CIMIP5: variants seen among roughly 807,000 people sequenced by gnomAD.
The protein encoded by CIMIP5 is ciliary microtubule inner protein 5.
At chr2:11,141,514 T>C in the CIMIP5 span, among the ~76,000 whole-genome samples, 1 of 152,174 alleles carries the variant, frequency 6.6e-6, no homozygotes, top group Non-Finnish European at 1.5e-5. Flanking sequence ...TGGACTCCTA[T>C]TCACTCTTCA....
the CIMIP5 span, chr2:11,133,155 C>A: frequency 3.0e-6 from 2 of 661,690 alleles, no homozygotes; most frequent in South Asian, 2.6e-5. Flanking sequence ...CCGGAGAGCC[C>A]TGTCCCCATC....
the CIMIP5 span, among the ~76,000 whole-genome samples, chr2:11,154,383 G>A: frequency 6.6e-6 from 1 of 152,102 alleles, no homozygotes; most frequent in African/African-American, 2.4e-5. Flanking sequence ...TGATGGGCCG[G>A]TGAGGCTGGA....
At chr2:11,133,673 G>T in the CIMIP5 span, 1 of 1,513,602 alleles carries the variant, frequency 6.6e-7, no homozygotes, top group Non-Finnish European at 8.8e-7. Context: ...AGGGAGATGG[G>T]AGGGCAAATG....
the CIMIP5 span, among the ~76,000 whole-genome samples, chr2:11,153,719 G>A: frequency 0.24 from 36,346 of 152,058 alleles, 4,714 homozygotes; most frequent in East Asian, 0.48. Flanking sequence ...GGCCAAGGCA[G>A]GTGGATCACC....
At chr2:11,146,019 A>C in the CIMIP5 span, 1 of 152,242 alleles carries the variant, frequency 6.6e-6, no homozygotes, top group East Asian at 1.9e-4. Context: ...TAAAATCCCG[A>C]ACATACATTA....
the CIMIP5 span, chr2:11,144,890 T>C: frequency 0.16 from 24,578 of 151,770 alleles, 5,763 homozygotes; most frequent in African/African-American, 0.52. Context: ...TTATAAATCA[T>C]TGTAGCCTTG....
At chr2:11,148,908 A>G in the CIMIP5 span, among the ~76,000 whole-genome samples, 1 of 151,504 alleles carries the variant, frequency 6.6e-6, no homozygotes, top group Non-Finnish European at 1.5e-5. Flanking sequence ...TAATTTTTGT[A>G]TTTTTAGTAG....
At chr2:11,145,687 C>G in the CIMIP5 span, 24,705 of 152,126 alleles carry the variant, frequency 0.16, 5,799 homozygotes, top group African/African-American at 0.52. Flanking sequence ...ATGAGACACT[C>G]CAGGTATTGG....
the CIMIP5 span, among the ~76,000 whole-genome samples, chr2:11,154,439 C>CTCCCGTCCCTCACACT: frequency 6.6e-6 from 1 of 152,172 alleles, no homozygotes; most frequent in Non-Finnish European, 1.5e-5. Context: ...GCTGACCCAG[C>CTCCCGTCCCTCACACT]TCCCGTCCCT....
the CIMIP5 span, among the ~76,000 whole-genome samples, chr2:11,135,111 T>C: frequency 1.3e-5 from 2 of 152,204 alleles, no homozygotes; most frequent in Admixed American, 6.5e-5. Flanking sequence ...ACCGCAAGGA[T>C]GGCACGAAGC....
chr2:11,133,419 T>A, the CIMIP5 span: 1 of 1,611,420 alleles, frequency 6.2e-7, no homozygotes, highest in South Asian at 1.1e-5. Flanking sequence ...AGCCTCGGTC[T>A]CCCCAGCTGC....
At chr2:11,140,025 T>G in the CIMIP5 span, among the ~76,000 whole-genome samples, 1 of 143,886 alleles carries the variant, frequency 6.9e-6, no homozygotes, top group Non-Finnish European at 1.5e-5. Flanking sequence ...AGGCAGAGGT[T>G]GCAGTGAGCT....
chr2:11,133,422 C>A, the CIMIP5 span: 4 of 1,611,200 alleles, frequency 2.5e-6, no homozygotes, highest in African/African-American at 5.3e-5. Context: ...CTCGGTCTCC[C>A]CAGCTGCCCG....
At chr2:11,135,391 G>A in the CIMIP5 span, among the ~76,000 whole-genome samples, 51 of 152,252 alleles carry the variant, frequency 3.3e-4, no homozygotes, top group African/African-American at 1.2e-3. Flanking sequence ...TTTGATAACA[G>A]CCATCCTAAT....
chr2:11,140,199 C>A, the CIMIP5 span, among the ~76,000 whole-genome samples: 2 of 150,338 alleles, frequency 1.3e-5, no homozygotes, highest in East Asian at 3.9e-4. Context: ...CACGGTGAAA[C>A]CCCATCTCTA....
the CIMIP5 span, among the ~76,000 whole-genome samples, chr2:11,138,080 G>C: frequency 6.6e-6 from 1 of 152,216 alleles, no homozygotes; most frequent in African/African-American, 2.4e-5. Flanking sequence ...TCCTGACCTC[G>C]TGATCTGCCT....
chr2:11,143,954 A>G, the CIMIP5 span: 4 of 1,602,356 alleles, frequency 2.5e-6, no homozygotes, highest in East Asian at 2.2e-5. Flanking sequence ...TTGCCAGACC[A>G]TGTGCCTCTC....
chr2:11,136,640 A>T, the CIMIP5 span, among the ~76,000 whole-genome samples: 2 of 152,202 alleles, frequency 1.3e-5, no homozygotes, highest in Admixed American at 1.3e-4. Context: ...GCAAATGGAC[A>T]CAGGTGTTTT....
At chr2:11,140,360 G>A in the CIMIP5 span, 19 of 427,946 alleles carry the variant, frequency 4.4e-5, no homozygotes, top group African/African-American at 3.8e-4. Flanking sequence ...GGGTGACAGA[G>A]TGAGCCTCCG....
Sources: allele counts gnomAD v4.1 joint callset (sites outside exome capture counted in the v4.1 genomes callset), GRCh38; gene constraint gnomAD v4.1.1; transcripts MANE v1.5; gene names NCBI Gene and HGNC (gene_info 2026-07-23, HGNC 2026-07-21).